The following RABGAP1L variants were observed in gnomAD, a reference collection of about 807,000 sequenced individuals.
RABGAP1L encodes the protein RAB GTPase activating protein 1 like.
RABGAP1L carries 63 observed loss-of-function variants against 137.7 expected under a neutral mutation model. The ratio of observed to expected loss-of-function variants is 0.46; its 90% CI spans 0.37 to 0.56. The LOEUF is 0.56. Ranked by LOEUF, RABGAP1L falls within the 20% of genes least tolerant of loss-of-function variation. The pLI is 0.00. For missense variants in RABGAP1L, 1,095 were observed against 1,244.0 expected (o/e 0.88, Z 1.80); for synonymous variants, 431 against 433.7 (o/e 0.99, Z 0.08).
chr1:174,272,429 A>G lies in RABGAP1L; in HGVS notation c.1002A>G (p.Leu334=), dbSNP rs1175267620. The change falls in exon 8 of 26, where the codon TTA becomes TTG. Residue 334 remains leucine (L), a synonymous_variant. Transcript: ENST00000681986. ...ATATTTTCAGATGTTTTGGAATGTT[A>G]TTAAGCCCAGGTCGAAACGTGAAGA... is the stretch of plus-strand genomic sequence containing the variant. The part of the protein sequence containing the change: ...ELAIERCFGM[L]LSPGRNVKNS... 2.5e-6 allele frequency: 4 copies of G among 1,602,502 alleles called. No homozygotes were observed. Among genetic ancestry groups the G allele is most frequent in the East Asian group, 4.5e-5 (2 of 44,260 alleles).
At chr1:174,920,285 C>T (rs1661578273) in intron 19 of RABGAP1L, among the ~76,000 whole-genome samples, 2 of 152,156 alleles carry the variant, frequency 1.3e-5, no homozygotes, top group African/African-American at 4.8e-5. Context: ...TGGCAGAAGG[C>T]AAGGAGGAGC....
At chr1:174,441,597 G>C (rs1277678007) in intron 13 of RABGAP1L, among the ~76,000 whole-genome samples, 1 of 152,164 alleles carries the variant, frequency 6.6e-6, no homozygotes, top group African/African-American at 2.4e-5. Context: ...AGTCAGGCGT[G>C]GTGGTGCATG....
At chr1:174,553,090 T>G in intron 13 of RABGAP1L, among the ~76,000 whole-genome samples, 1 of 152,222 alleles carries the variant, frequency 6.6e-6, no homozygotes, top group East Asian at 1.9e-4. Flanking sequence ...TTTTTTCTTA[T>G]AAATTTGTTT....
intron 19 of RABGAP1L, among the ~76,000 whole-genome samples, chr1:174,931,622 A>G (rs1663808001): frequency 6.6e-6 from 1 of 152,164 alleles, no homozygotes; most frequent in African/African-American, 2.4e-5. Flanking sequence ...TAAAAATTTT[A>G]ATTAATTTGT....
intron 13 of RABGAP1L, among the ~76,000 whole-genome samples, chr1:174,535,217 A>G (rs931468077): frequency 6.6e-6 from 1 of 152,182 alleles, no homozygotes; most frequent in Admixed American, 6.5e-5. Context: ...ACTGTGGGAA[A>G]TAAAAAATAA....
intron 13 of RABGAP1L, among the ~76,000 whole-genome samples, chr1:174,503,979 C>CTT (rs201333632): frequency 6.3e-5 from 9 of 142,388 alleles, no homozygotes; most frequent in South Asian, 4.5e-4. Flanking sequence ...TTTTTCTTTT[C>CTT]TTTTTTTTTT....
At chr1:174,614,840 A>G (rs576295347) in intron 13 of RABGAP1L, among the ~76,000 whole-genome samples, 34 of 152,286 alleles carry the variant, frequency 2.2e-4, no homozygotes, top group Non-Finnish European at 3.8e-4. Context: ...ATCTTCCATC[A>G]CTGATACCCT....
intron 1 of RABGAP1L, among the ~76,000 whole-genome samples, chr1:174,187,375 G>A (rs2148321834): frequency 6.6e-6 from 1 of 152,140 alleles, no homozygotes; most frequent in East Asian, 1.9e-4. Context: ...GTTTACCATA[G>A]TGTAATAGCC....
intron 11 of RABGAP1L, among the ~76,000 whole-genome samples, chr1:174,329,780 G>T (rs1680858349): frequency 6.6e-6 from 1 of 151,142 alleles, no homozygotes. Context: ...TCATCTTTTT[G>T]TGATAAAGCT....
rs150263078 is a variant in RABGAP1L at position 174,442,806 on chromosome 1, C to T, written c.1710+48661C>T. Among the ~76,000 whole-genome samples, 97 of 152,208 alleles carry T rather than the reference C, an allele frequency of 6.4e-4. 2 individuals are homozygous for T. In the East Asian group the frequency reaches 0.014, roughly 21 times the overall value. On this transcript the variant is annotated intron_variant, in intron 13 of 25. Coordinates refer to ENST00000681986, the MANE Select transcript of RABGAP1L (RefSeq NM_001366446.1). The stretch of plus-strand genomic sequence containing the variant: ...AACTATAATCTCCCCACTACAACCA[C>T]TAGAACGTATTCCTTCTATTTGACT...
chr1:174,442,876 C>T (rs1269311460), intron 13 of RABGAP1L, among the ~76,000 whole-genome samples: 1 of 151,952 alleles, frequency 6.6e-6, no homozygotes, highest in African/African-American at 2.4e-5. Flanking sequence ...TCCTTTTTCC[C>T]TACCCTTCCC....
chr1:174,783,465 A>G (rs1027362900), intron 18 of RABGAP1L, among the ~76,000 whole-genome samples: 8 of 152,124 alleles, frequency 5.3e-5, no homozygotes, highest in African/African-American at 1.9e-4. Context: ...CCGTAACAGT[A>G]TGAGGGAGTA....
chr1:174,877,491 C>A, intron 19 of RABGAP1L: 1 of 1,614,086 alleles, frequency 6.2e-7, no homozygotes, highest in Non-Finnish European at 8.5e-7. Context: ...GGCCAGCTGG[C>A]AAGATGATGG....
At chr1:174,910,078 G>T (rs1659811777) in intron 19 of RABGAP1L, among the ~76,000 whole-genome samples, 1 of 152,190 alleles carries the variant, frequency 6.6e-6, no homozygotes, top group Admixed American at 6.5e-5. Flanking sequence ...TGCGGAGCTT[G>T]CAGTGAGCTG....
intron 17 of RABGAP1L, among the ~76,000 whole-genome samples, chr1:174,725,843 G>A (rs1681935782): frequency 6.6e-6 from 1 of 152,086 alleles, no homozygotes; most frequent in Admixed American, 6.6e-5. Context: ...GGGGGGATGG[G>A]GGAGGGATAG....
chr1:174,508,747 G>A (rs1377169075), intron 13 of RABGAP1L, among the ~76,000 whole-genome samples: 1 of 152,088 alleles, frequency 6.6e-6, no homozygotes, highest in Admixed American at 6.5e-5. Flanking sequence ...CTGAACAAGT[G>A]CCACATGTTT....
At chr1:174,969,891 G>T (rs970596343) in intron 21 of RABGAP1L, among the ~76,000 whole-genome samples, 7 of 152,238 alleles carry the variant, frequency 4.6e-5, no homozygotes, top group Non-Finnish European at 1.0e-4. Context: ...ATATGACCCT[G>T]GACAGTTCTT....
intron 19 of RABGAP1L, chr1:174,892,815 C>T (rs191226189): frequency 7.0e-4 from 204 of 292,842 alleles, no homozygotes; most frequent in African/African-American, 4.3e-3. Context: ...CTGCAACCTC[C>T]GCCTCCCAGG....
At chr1:174,374,834 T>C (rs934464920) in intron 12 of RABGAP1L, among the ~76,000 whole-genome samples, 1 of 152,208 alleles carries the variant, frequency 6.6e-6, no homozygotes, top group Middle Eastern at 3.2e-3. Context: ...TTGCAAAGTT[T>C]TTTTGTGTGT....
Sources: gnomAD v4.1 joint callset for allele counts (sites outside exome capture counted in the v4.1 genomes callset) on GRCh38, gnomAD v4.1.1 for gene constraint, MANE v1.5 for transcripts, NCBI Gene and HGNC (gene_info 2026-07-23, HGNC 2026-07-21) for gene names.